Variants in SEMA5A observed in about 807,000 individuals in gnomAD.
SEMA5A encodes the protein semaphorin-5A.
SEMA5A carries 55 observed loss-of-function variants against 135.5 expected under a neutral mutation model. The observed-to-expected ratio is 0.41, with a 90% CI of 0.33 to 0.51. The LOEUF is 0.51. SEMA5A is among the 20% of genes least tolerant of loss of function. The pLI, the probability that SEMA5A is intolerant of heterozygous loss-of-function variation, is 0.37. For missense variants in SEMA5A, 1,290 were observed against 1,419.9 expected, an observed-to-expected ratio of 0.91 and a Z score of 1.47; for synonymous variants, 580 against 546.5, an observed-to-expected ratio of 1.06 and a Z score of -0.85.
intron 1 of SEMA5A, among the ~76,000 whole-genome samples, chr5:9,534,730 T>C (rs1242393324): frequency 2.0e-5 from 3 of 152,194 alleles, no homozygotes; most frequent in African/African-American, 7.2e-5. Context: ...GCAGTGGCAG[T>C]GGCACGGGCA....
intron 1 of SEMA5A, chr5:9,511,490 A>C (rs1010639796): frequency 1.3e-5 from 2 of 152,206 alleles, no homozygotes; most frequent in African/African-American, 4.8e-5. Context: ...TCCAAGGAAA[A>C]GTCTCTGATA....
chr5:9,442,317 C>T (rs574712422), intron 1 of SEMA5A, among the ~76,000 whole-genome samples: 25 of 152,278 alleles, frequency 1.6e-4, no homozygotes, highest in South Asian at 6.2e-4. Context: ...CAGGTGAAGT[C>T]GCCTGGTTGG....
intron 13 of SEMA5A, among the ~76,000 whole-genome samples, chr5:9,126,366 C>T (rs1311204636): frequency 1.3e-5 from 2 of 152,016 alleles, no homozygotes; most frequent in African/African-American, 4.8e-5. Flanking sequence ...GAAAGAGGAT[C>T]GGACATTGGA....
chr5:9,097,505 CTACT>C (rs1739385215), intron 16 of SEMA5A, among the ~76,000 whole-genome samples: 1 of 152,184 alleles, frequency 6.6e-6, no homozygotes, highest in Non-Finnish European at 1.5e-5. Flanking sequence ...GTTCAATTCT[CTACT>C]TACTTCATTT....
In SEMA5A at chr5:9,377,133, C is replaced by A. The variant is rs140645144; in HGVS notation, c.124+2690G>T. On this transcript the variant is annotated intron_variant, in intron 3 of 22. Coordinates refer to ENST00000382496, the MANE Select transcript of SEMA5A (RefSeq NM_003966.3). ...AAAAAAAAAAAAAAAAGAATGACAT[C>A]AATCTCTACACTCTTCTAGAGAGTA... Among the ~76,000 whole-genome samples, 103 of 149,842 alleles carry A rather than the reference C, an allele frequency of 6.9e-4. 2 individuals are homozygous for A. In the East Asian group the frequency reaches 0.018, roughly 25 times the overall value.
At chr5:9,322,432 T>A (rs1392959930) in intron 4 of SEMA5A, among the ~76,000 whole-genome samples, 2 of 152,006 alleles carry the variant, frequency 1.3e-5, no homozygotes, top group Non-Finnish European at 2.9e-5. Context: ...TACTATGAAA[T>A]ACCATCACCA....
chr5:9,516,174 A>G (rs1441702264), intron 1 of SEMA5A, among the ~76,000 whole-genome samples: 3 of 152,184 alleles, frequency 2.0e-5, no homozygotes, highest in African/African-American at 7.2e-5. Context: ...AGACATGCAC[A>G]CACACATACA....
At chr5:9,052,135 A>G (rs749231031) in intron 19 of SEMA5A, 107 bp from the exon 20 acceptor site, 1 of 1,253,008 alleles carries the variant, frequency 8.0e-7, no homozygotes, top group East Asian at 2.6e-5. Flanking sequence ...AGGATTCCAT[A>G]GCATATTTTT....
chr5:9,050,344 G>T (rs756252131), intron 21 of SEMA5A, 66 bp downstream of exon 21: 6 of 1,400,756 alleles, frequency 4.3e-6, no homozygotes, highest in African/African-American at 1.5e-5. Context: ...TAGAAAACAT[G>T]CAGGAAGGGA....
At chr5:9,528,392 G>C (rs1325677928) in intron 1 of SEMA5A, among the ~76,000 whole-genome samples, 1 of 152,170 alleles carries the variant, frequency 6.6e-6, no homozygotes, top group Non-Finnish European at 1.5e-5. Context: ...GAGAAATGGG[G>C]TGGGAGATGG....
intron 11 of SEMA5A, among the ~76,000 whole-genome samples, chr5:9,158,099 C>G (rs1197364035): frequency 6.6e-6 from 1 of 152,298 alleles, no homozygotes; most frequent in South Asian, 2.1e-4. Context: ...TGAATATATT[C>G]TGCTGAAAGA....
rs575974952 is a variant in SEMA5A, at chr5:9,042,626, C to T, written c.*271G>A. On this transcript the variant is annotated 3_prime_UTR_variant, in exon 23 of 23. Coordinates refer to ENST00000382496, the MANE Select transcript of SEMA5A (RefSeq NM_003966.3). ...ATAAAATAATGCTCAAAAAACAAAC[C>T]AATGGACTTGTCAGAAAAATAGGAT... 1 of 382,030 alleles carries T rather than the reference C, an allele frequency of 2.6e-6. No individual in the cohort carries two copies. Among genetic ancestry groups the T allele is most frequent in the East Asian group, 5.9e-5 (1 of 17,016 alleles). The allele number at this position is 382,030 out of a possible 1,614,324, so 23.7% of individuals were successfully genotyped here. A position where few individuals can be genotyped will look rare whatever the true frequency, so the allele number is the denominator to read the frequency against.
intron 1 of SEMA5A, among the ~76,000 whole-genome samples, chr5:9,447,509 C>T (rs1758477834): frequency 6.6e-6 from 1 of 152,142 alleles, no homozygotes; most frequent in Non-Finnish European, 1.5e-5. Context: ...GGCACCAAGG[C>T]CTAAAGAAGA....
intron 11 of SEMA5A, among the ~76,000 whole-genome samples, chr5:9,159,659 C>A (rs1055401372): frequency 6.6e-6 from 1 of 152,132 alleles, no homozygotes; most frequent in Admixed American, 6.6e-5. Context: ...CTTCAAGGAT[C>A]TAGAACCAGA....
In SEMA5A at chr5:9,046,541, C is replaced by A. The variant is rs561834942; in HGVS notation, c.2894-1957G>T. On this transcript the variant is annotated intron_variant, in intron 21 of 22. Coordinates refer to ENST00000382496, the MANE Select transcript of SEMA5A (RefSeq NM_003966.3). ...CAGTGAGTGCCCACCTGGCCTAGGT[C>A]TACGGGGCTCTGTTTGAGTCCTTCC... Among the ~76,000 whole-genome samples the A allele has an allele frequency of 8.5e-5, 13 of 152,336 alleles. No homozygotes were observed. The East Asian group carries it at 2.3e-3, about 27-fold the overall frequency.
intron 5 of SEMA5A, among the ~76,000 whole-genome samples, chr5:9,284,419 G>C (rs1750693115): frequency 6.6e-6 from 1 of 152,194 alleles, no homozygotes; most frequent in African/African-American, 2.4e-5. Flanking sequence ...TTGCTTGCCT[G>C]AAAAGTATCA....
In SEMA5A at chr5:9,190,168, C is replaced by A. The variant is rs981353672; in HGVS notation, c.1273+99G>T. Reference sequence around the variant, plus strand: ...GCTGGTTGCAAAAAGAGACATCAGGCGTAAAGCTTGAAATTGAAATTGAAT... The same window carrying A: ...GCTGGTTGCAAAAAGAGACATCAGGAGTAAAGCTTGAAATTGAAATTGAAT... On this transcript the variant is annotated intron_variant, in intron 11 of 22. Transcript: ENST00000382496. 7.0e-6 allele frequency: 9 copies of A among 1,279,328 alleles called. No individual in the cohort carries two copies. In the African/African-American group the frequency reaches 8.9e-5, roughly 13 times the overall value. The allele number at this position is 1,279,328 out of a possible 1,614,324, so 79.2% of individuals were successfully genotyped here.
chr5:9,323,804 C>T (rs1752742103), intron 4 of SEMA5A, among the ~76,000 whole-genome samples: 1 of 151,060 alleles, frequency 6.6e-6, no homozygotes, highest in Non-Finnish European at 1.5e-5. Flanking sequence ...CAGGATTACA[C>T]TGACATGCCA....
chr5:9,314,329 A>G (rs534084617), intron 5 of SEMA5A, among the ~76,000 whole-genome samples: 7 of 151,606 alleles, frequency 4.6e-5, no homozygotes, highest in African/African-American at 1.7e-4. Context: ...TCCAAATGTG[A>G]TGGAAATATA....
Sources: allele counts gnomAD v4.1 joint callset (sites outside exome capture counted in the v4.1 genomes callset), GRCh38; gene constraint gnomAD v4.1.1; transcripts MANE v1.5; gene names NCBI Gene and HGNC (gene_info 2026-07-23, HGNC 2026-07-21).